Variants in ATP2B2 observed in about 807,000 individuals in gnomAD.
ATP2B2 encodes plasma membrane calcium-transporting ATPase 2.
ATP2B2 carries 15 observed loss-of-function variants against 120.0 expected under a neutral mutation model. That is an observed-to-expected ratio of 0.12 (90% confidence interval 0.08 to 0.19). The LOEUF is 0.19. ATP2B2 is among the 10% of genes least tolerant of loss of function. The probability of loss-of-function intolerance (pLI) is 1.00; values close to 1 mark genes in which losing one functional copy is unlikely to be tolerated. For synonymous variants in ATP2B2, 694 were observed against 700.3 expected, an observed-to-expected ratio of 0.99 and a Z score of 0.14; for missense variants, 1,045 against 1,719.8, an observed-to-expected ratio of 0.61 and a Z score of 6.94.
At chr3:10,458,309 C>G (rs1398438684) in intron 1 of ATP2B2, among the ~76,000 whole-genome samples, 1 of 152,202 alleles carries the variant, frequency 6.6e-6, no homozygotes, top group Non-Finnish European at 1.5e-5. Flanking sequence ...ACAGAGCCCC[C>G]CAGTAACCTC....
At position 10,326,180 on chromosome 3, in the gene ATP2B2, C is replaced by T. The variant is rs191433362; in HGVS notation, c.*2634G>A. Reference sequence around the variant, plus strand: ...CCCCCTAATGGAGTGAACTGCCAAACGTACCCCATGCTGCTAGATATAGGA... The same window carrying T: ...CCCCCTAATGGAGTGAACTGCCAAATGTACCCCATGCTGCTAGATATAGGA... On this transcript the variant is annotated 3_prime_UTR_variant, in exon 23 of 23. Coordinates refer to ENST00000360273, the MANE Select transcript of ATP2B2 (RefSeq NM_001001331.4). 2.0e-5 allele frequency: 3 copies of T among 152,772 alleles called. No homozygotes were observed. Among genetic ancestry groups the T allele is most frequent in the Admixed American group, 2.0e-4 (3 of 15,294 alleles). 9.5% of individuals were successfully genotyped at this position (152,772 alleles called of 1,614,324 possible).
intron 2 of ATP2B2, among the ~76,000 whole-genome samples, chr3:10,417,510 C>T (rs2062832168): frequency 1.3e-5 from 2 of 152,242 alleles, no homozygotes; most frequent in Non-Finnish European, 2.9e-5. Context: ...CCAGGCCCCA[C>T]TCAAGACTCA....
At chr3:10,422,121 C>T (rs577054508) in intron 2 of ATP2B2, among the ~76,000 whole-genome samples, 1 of 152,304 alleles carries the variant, frequency 6.6e-6, no homozygotes, top group African/African-American at 2.4e-5. Flanking sequence ...GCTGCTTCCA[C>T]CAGCACACAG....
intron 3 of ATP2B2, among the ~76,000 whole-genome samples, chr3:10,403,442 A>G (rs537483928): frequency 6.6e-6 from 1 of 152,350 alleles, no homozygotes; most frequent in South Asian, 2.1e-4. Flanking sequence ...ATCTGATCTG[A>G]AGGCATCAGA....
At position 10,562,978 on chromosome 3, in the gene ATP2B2, T is replaced by C. The variant is rs148252929; in HGVS notation, c.-414-28845A>G. On this transcript the variant is annotated intron_variant, in intron 2 of 21. Coordinates refer to the ATP2B2 transcript ENST00000646379. ...GCATACATGCTTTGAATGAACCTTC[T>C]TATGGTTCCATCCTATTTTCTACCA... Among the ~76,000 whole-genome samples the C allele has an allele frequency of 2.5e-3, 381 of 152,368 alleles. 1 individual carries two copies. Among genetic ancestry groups the C allele is most frequent in the Middle Eastern group, 0.01 (3 of 294 alleles).
chr3:10,458,196 G>A (rs1376231028), intron 1 of ATP2B2, among the ~76,000 whole-genome samples: 3 of 152,016 alleles, frequency 2.0e-5, no homozygotes, highest in Non-Finnish European at 2.9e-5. Context: ...TAAAACTAAT[G>A]AGCTGCATCA....
At chr3:10,689,333 A>C (rs1474118420) in intron 1 of ATP2B2, among the ~76,000 whole-genome samples, 1 of 152,078 alleles carries the variant, frequency 6.6e-6, no homozygotes, top group African/African-American at 2.4e-5. Flanking sequence ...GCCTCTCCAC[A>C]CCTTAGTTTT....
At chr3:10,504,331 C>A (rs770404097) in intron 1 of ATP2B2, among the ~76,000 whole-genome samples, 1 of 152,192 alleles carries the variant, frequency 6.6e-6, no homozygotes, top group African/African-American at 2.4e-5. Flanking sequence ...CCTGGAAATA[C>A]CCCAAACGTC....
intron 2 of ATP2B2, among the ~76,000 whole-genome samples, chr3:10,597,040 C>A (rs2068783221): frequency 6.9e-6 from 1 of 145,720 alleles, no homozygotes; most frequent in Non-Finnish European, 1.5e-5. Flanking sequence ...CCCAGACACA[C>A]ACAGGTGCGC....
At chr3:10,678,976 G>T (rs1005002480) in intron 1 of ATP2B2, among the ~76,000 whole-genome samples, 7 of 152,096 alleles carry the variant, frequency 4.6e-5, no homozygotes, top group Admixed American at 3.9e-4. Context: ...GTTGTAGGTG[G>T]GCCTGACTTA....
Position 10,449,634 on chromosome 3 carries a change from C to T in ATP2B2, c.-91G>A. ...TGGCTGCTTGTGGCTGTCCTCAGCA[C>T]ACCCTCACTGGTCAGCTGTGGCACC... On this transcript the variant is annotated 5_prime_UTR_variant, in exon 2 of 23. In the 5' UTR this introduces an upstream ATG that the reference lacks. Transcript: ENST00000360273. The T allele has an allele frequency of 2.0e-6, 3 of 1,501,796 alleles. No individual in the cohort carries two copies. Among genetic ancestry groups the T allele is most frequent in the East Asian group, 2.3e-5 (1 of 44,340 alleles). The allele number at this position is 1,501,796 out of a possible 1,614,324, so 93.0% of individuals were successfully genotyped here. A position where few individuals can be genotyped will look rare whatever the true frequency, so the allele number is the denominator to read the frequency against.
chr3:10,574,649 A>G (rs2068202511), intron 2 of ATP2B2, among the ~76,000 whole-genome samples: 1 of 152,194 alleles, frequency 6.6e-6, no homozygotes, highest in Admixed American at 6.5e-5. Context: ...ACACAAAGTC[A>G]CTTGTAAAAC....
chr3:10,596,953 G>A (rs2068778443), intron 2 of ATP2B2, among the ~76,000 whole-genome samples: 2 of 152,162 alleles, frequency 1.3e-5, no homozygotes, highest in African/African-American at 4.8e-5. Flanking sequence ...CACCACAGGC[G>A]AGTACGCGTG....
rs142900148 is a variant in ATP2B2 at position 10,443,517 on chromosome 3, G to A, written c.199+5828C>T. ...GCTTATGAGGAAAGGCCTGGCTGCC[G>A]CATTGACCGGGATGGGAGGATGTTA... On this transcript the variant is annotated intron_variant, in intron 2 of 22. Coordinates refer to ENST00000360273, the MANE Select transcript of ATP2B2 (RefSeq NM_001001331.4). Among the ~76,000 whole-genome samples the A allele has an allele frequency of 1.1e-4, 16 of 152,200 alleles. No individual in the cohort carries two copies. The Middle Eastern group carries it at 0.01, about 97-fold the overall frequency.
intron 7 of ATP2B2, among the ~76,000 whole-genome samples, 160 bp downstream of exon 7, chr3:10,386,320 G>GT (rs1175136321): frequency 6.6e-6 from 1 of 152,142 alleles, no homozygotes; most frequent in Non-Finnish European, 1.5e-5. Flanking sequence ...CCACAGGGCT[G>GT]GCATCACAGG....
In ATP2B2 at chr3:10,483,696, C is replaced by T. The variant is rs144145734; in HGVS notation, c.-320+21769G>A. On this transcript the variant is annotated intron_variant, in intron 1 of 22. Transcript: ENST00000360273. ...ACAAAGTGAGGTGGGAGAAGGGCCA[C>T]GGGAGGTTTTAATAATTCTATGGTA... 7.6e-3 allele frequency among the ~76,000 whole-genome samples: 1,157 copies of T among 152,276 alleles called. 19 individuals are homozygous for T. The highest frequency in any genetic ancestry group is 0.027 in the African/African-American group (1,113 of 41,540).
At chr3:10,499,697 T>G (rs1300250065) in intron 1 of ATP2B2, among the ~76,000 whole-genome samples, 1 of 152,084 alleles carries the variant, frequency 6.6e-6, no homozygotes, top group Admixed American at 6.5e-5. Context: ...CTTCACACCT[T>G]GAAGCTCCCC....
chr3:10,394,377 A>G, intron 5 of ATP2B2: 1 of 465,556 alleles, frequency 2.1e-6, no homozygotes. Context: ...CCCCTGAGGT[A>G]GGTTTTGGCG....
intron 22 of ATP2B2, chr3:10,336,372 C>CGTCACA (rs2060117957): frequency 6.9e-7 from 1 of 1,448,382 alleles, no homozygotes. Context: ...GACAGGGCAA[C>CGTCACA]GTCACAAGAA....
Sources: allele counts gnomAD v4.1 joint callset (sites outside exome capture counted in the v4.1 genomes callset), GRCh38; gene constraint gnomAD v4.1.1; transcripts MANE v1.5; gene names NCBI Gene and HGNC (gene_info 2026-07-23, HGNC 2026-07-21).